Variants in FNBP1 observed in about 807,000 individuals in gnomAD.
FNBP1 encodes the protein formin binding protein 1, also known as formin-binding protein 1.
FNBP1 carries 26 observed loss-of-function variants against 90.6 expected under a neutral mutation model. That is an observed-to-expected ratio of 0.29 (90% CI 0.21 to 0.40). The LOEUF (loss-of-function observed/expected upper bound fraction) is 0.40. FNBP1 is among the 10% of genes least tolerant of loss of function. The pLI, the probability that FNBP1 is intolerant of heterozygous loss-of-function variation, is 1.00. For missense variants in FNBP1, 635 were observed against 768.0 expected, an observed-to-expected ratio of 0.83 and a Z score of 2.05; for synonymous variants, 260 against 265.2, an observed-to-expected ratio of 0.98 and a Z score of 0.19.
At chr9:129,901,430 G>A (rs1044672232) in intron 13 of FNBP1, among the ~76,000 whole-genome samples, 6 of 151,462 alleles carry the variant, frequency 4.0e-5, no homozygotes, top group South Asian at 2.1e-4. Context: ...CCAGCTACTC[G>A]GGAGGCTGAG....
chr9:129,924,201 G>A (rs769620371), intron 9 of FNBP1, among the ~76,000 whole-genome samples, 175 bp from the exon 10 acceptor site: 2 of 152,230 alleles, frequency 1.3e-5, no homozygotes, highest in South Asian at 4.1e-4. Context: ...AGAATATGAT[G>A]AGAGTTGGGA....
At chr9:130,011,977 A>T (rs2056669993) in intron 1 of FNBP1, among the ~76,000 whole-genome samples, 1 of 152,202 alleles carries the variant, frequency 6.6e-6, no homozygotes, top group Admixed American at 6.5e-5. Context: ...CAAGGTAGGA[A>T]TAGTAGCCAC....
At chr9:130,053,772 C>A in the FNBP1 span, 8 of 667,932 alleles carry the variant, frequency 1.2e-5, no homozygotes, top group Non-Finnish European at 2.0e-5. Flanking sequence ...GTGGGCAGCA[C>A]AGGCTCCTCG....
chr9:129,893,114 C>A (rs565698766), intron 16 of FNBP1, among the ~76,000 whole-genome samples: 1 of 151,930 alleles, frequency 6.6e-6, no homozygotes, highest in Non-Finnish European at 1.5e-5. Flanking sequence ...AGTTTGTCAT[C>A]GGATAGAAAG....
At chr9:130,008,339 ACT>A (rs952033415) in intron 1 of FNBP1, among the ~76,000 whole-genome samples, 1 of 152,018 alleles carries the variant, frequency 6.6e-6, no homozygotes, top group African/African-American at 2.4e-5. Context: ...ACAGAGTGAG[ACT>A]CTGTCTCAAA....
intron 10 of FNBP1, among the ~76,000 whole-genome samples, chr9:129,917,170 G>A (rs748460508): frequency 1.3e-4 from 19 of 151,946 alleles, no homozygotes; most frequent in Non-Finnish European, 2.4e-4. Flanking sequence ...CTGCCACCAC[G>A]CCCAGCTAAT....
At chr9:129,972,524 GTTTTC>G (rs1335585315) in intron 4 of FNBP1, among the ~76,000 whole-genome samples, 1 of 148,742 alleles carries the variant, frequency 6.7e-6, no homozygotes, top group African/African-American at 2.5e-5. Flanking sequence ...AACATGCTCC[GTTTTC>G]TTTTTCTTTT....
At chr9:130,034,562 A>G (rs1444505663) in intron 1 of FNBP1, among the ~76,000 whole-genome samples, 1 of 152,234 alleles carries the variant, frequency 6.6e-6, no homozygotes, top group Non-Finnish European at 1.5e-5. Flanking sequence ...GAAACTTGAT[A>G]CTACTCCTAC....
rs78318247 is a variant in FNBP1 at position 129,924,945 on chromosome 9, G to C, written c.987+15C>G. 2 of 1,597,694 alleles carry C rather than the reference G, an allele frequency of 1.3e-6. No homozygotes were observed. The highest frequency in any genetic ancestry group is 1.3e-5 in the African/African-American group (1 of 74,520). On this transcript the variant is annotated intron_variant, in intron 9 of 16. Transcript: ENST00000446176. The stretch of plus-strand genomic sequence containing the variant: ...CCACACCTTAGAAAACTCATTTCAC[G>C]CCAACCATCAGTACCTTATTTTTTT...
chr9:130,048,925 C>A, the FNBP1 span, among the ~76,000 whole-genome samples: 2 of 151,716 alleles, frequency 1.3e-5, no homozygotes, highest in Non-Finnish European at 2.9e-5. Context: ...GGACTACAGG[C>A]GCCCGCCACC....
rs1229864830 is a variant in FNBP1, at chr9:130,042,990, G to C, written c.-15C>G. The C allele has an allele frequency of 1.6e-6, 2 of 1,225,228 alleles. No individual in the cohort carries two copies. The highest frequency in any genetic ancestry group is 2.0e-6 in the Non-Finnish European group (2 of 983,640). The allele number at this position is 1,225,228 out of a possible 1,614,324, so 75.9% of individuals were successfully genotyped here. On this transcript the variant is annotated 5_prime_UTR_variant, in exon 1 of 17. Coordinates refer to ENST00000446176, the MANE Select transcript of FNBP1 (RefSeq NM_015033.3). The surrounding 1 kb of genome is among the most constrained non-coding windows in gnomAD (Gnocchi z 5.5). ...CCCCAGCTCATGGTGCAGGGGACGC[G>C]AAGGGGCGCTCCGCGCGGCGGGCGC...
At chr9:129,945,630 G>A (rs137928586) in intron 6 of FNBP1, among the ~76,000 whole-genome samples, 27 of 152,300 alleles carry the variant, frequency 1.8e-4, no homozygotes, top group African/African-American at 5.1e-4. Context: ...TTAACACTCT[G>A]CTACGCAGCT....
chr9:129,888,382 G>C lies in FNBP1; in HGVS notation c.*2157C>G, dbSNP rs146524977. 4 of 232,388 alleles carry C rather than the reference G, an allele frequency of 1.7e-5. No individual in the cohort carries two copies. Among genetic ancestry groups the C allele is most frequent in the African/African-American group, 8.8e-5 (4 of 45,306 alleles). The allele number at this position is 232,388 out of a possible 1,614,324, so 14.4% of individuals were successfully genotyped here. On this transcript the variant is annotated 3_prime_UTR_variant, in exon 17 of 17. Transcript: ENST00000446176. ...GAAGATCCCTGTCGTCCCCGTTGGC[G>C]GGGGAGCCCATTGTGGAGCTGTGGG...
intron 10 of FNBP1, chr9:129,918,877 C>CG (rs2040655755): frequency 1.3e-5 from 2 of 151,502 alleles, no homozygotes; most frequent in African/African-American, 5.9e-5. Flanking sequence ...AAGAGAAAAA[C>CG]AAAAAAAAAA....
chr9:129,975,547 T>C (rs1288793912), intron 4 of FNBP1, among the ~76,000 whole-genome samples: 1 of 152,018 alleles, frequency 6.6e-6, no homozygotes, highest in Non-Finnish European at 1.5e-5. Flanking sequence ...TATGACAGAC[T>C]ATAAAAAAGT....
At chr9:129,988,140 G>A (rs1290722400) in intron 2 of FNBP1, among the ~76,000 whole-genome samples, 1 of 152,094 alleles carries the variant, frequency 6.6e-6, no homozygotes. Context: ...AAGCAGCAGT[G>A]AGGGTGAGGT....
intron 1 of FNBP1, among the ~76,000 whole-genome samples, chr9:130,021,464 C>G (rs540963945): frequency 2.0e-5 from 3 of 152,324 alleles, no homozygotes; most frequent in African/African-American, 7.2e-5. Context: ...CATGAGAAGT[C>G]TACCATTAGC....
rs149112825 is a variant in FNBP1 at position 130,033,763 on chromosome 9, C to T, written c.24+9189G>A. ...ATCACAGAATTTTGGGAGGCCGAGG[C>T]GGGCGGATCACGAGGTCAGGAGAGT... On this transcript the variant is annotated intron_variant, in intron 1 of 16. Coordinates refer to ENST00000446176, the MANE Select transcript of FNBP1 (RefSeq NM_015033.3). Among the ~76,000 whole-genome samples the T allele has an allele frequency of 2.9e-3, 431 of 147,220 alleles. 6 individuals are homozygous for T. The highest frequency in any genetic ancestry group is 0.01 in the African/African-American group (411 of 39,946).
intron 2 of FNBP1, among the ~76,000 whole-genome samples, chr9:129,986,662 C>T (rs1327476399): frequency 2.6e-5 from 4 of 151,408 alleles, no homozygotes. Flanking sequence ...TGGTGGCGGG[C>T]GCCTGTAGTC....
Sources: allele counts gnomAD v4.1 joint callset (sites outside exome capture counted in the v4.1 genomes callset), GRCh38; gene constraint gnomAD v4.1.1; non-coding constraint Gnocchi (gnomAD v3.1); transcripts MANE v1.5; gene names NCBI Gene and HGNC (gene_info 2026-07-23, HGNC 2026-07-21).